The following DCAF6 variants were observed in gnomAD, a reference collection of about 807,000 sequenced individuals.
DCAF6 encodes the protein DDB1- and CUL4-associated factor 6.
A neutral mutation model predicts 125.1 loss-of-function variants in DCAF6; 54 were observed. The observed-to-expected ratio is 0.43, with a 90% CI of 0.35 to 0.54. The LOEUF is 0.54. DCAF6 is among the 20% of genes least tolerant of loss of function. The pLI is 0.01. For missense variants in DCAF6, 934 were observed against 1,161.7 expected (o/e 0.80, Z 2.85); for synonymous variants, 371 against 390.4 (o/e 0.95, Z 0.58).
intron 8 of DCAF6, 139 bp downstream of exon 8, chr1:168,002,714 A>G: frequency 1.7e-6 from 1 of 594,084 alleles, no homozygotes; most frequent in Non-Finnish European, 2.8e-6. Flanking sequence ...AATATATCTT[A>G]GGATAAATTC....
chr1:167,982,872 C>A (rs1042034265), intron 4 of DCAF6, among the ~76,000 whole-genome samples: 8 of 152,154 alleles, frequency 5.3e-5, no homozygotes, highest in African/African-American at 1.9e-4. Context: ...TTTCATTCTT[C>A]TACATATGGT....
In DCAF6 at chr1:168,050,878, G is replaced by A. The variant is rs1253719563; in HGVS notation, c.2259-14G>A. The A allele has an allele frequency of 7.5e-7, 1 of 1,334,984 alleles. No homozygotes were observed. Among genetic ancestry groups the A allele is most frequent in the South Asian group, 2.1e-5 (1 of 48,008 alleles). The allele number at this position is 1,334,984 out of a possible 1,614,324, so 82.7% of individuals were successfully genotyped here. A position where few individuals can be genotyped will look rare whatever the true frequency, so the allele number is the denominator to read the frequency against. On this transcript the variant is annotated splice_polypyrimidine_tract_variant and intron_variant, in intron 16 of 21. Coordinates refer to ENST00000367840, the MANE Select transcript of DCAF6 (RefSeq NM_001198956.2). ...CTTTGTAAGTGATTTCAGTTATTGT[G>A]TTCCCTTCACTAGATTTAATATCAG...
At position 168,068,469 on chromosome 1, in the gene DCAF6, A is replaced by G. The variant is rs770133529; in HGVS notation, c.2791+6A>G. ...ACTTAATCATATCCGAGCTGGTAGG[A>G]ACTTTAAGTATACTACTAAAACCAT... On this transcript the variant is annotated splice_donor_region_variant and intron_variant, in intron 21 of 21. Coordinates refer to ENST00000367840, the MANE Select transcript of DCAF6 (RefSeq NM_001198956.2). The G allele has an allele frequency of 1.5e-5, 21 of 1,435,274 alleles. No homozygotes were observed. The highest frequency in any genetic ancestry group is 1.9e-5 in the Non-Finnish European group (20 of 1,078,668). The allele number at this position is 1,435,274 out of a possible 1,614,324, so 88.9% of individuals were successfully genotyped here.
chr1:168,047,712 G>A (rs1475403842), intron 16 of DCAF6, among the ~76,000 whole-genome samples: 2 of 151,844 alleles, frequency 1.3e-5, no homozygotes, highest in Admixed American at 1.3e-4. Flanking sequence ...ATGTGTGTGT[G>A]TGTATATATA....
chr1:167,953,867 G>T lies in DCAF6; in HGVS notation c.159+2006G>T, dbSNP rs1439105052. ...GCCCGCCTTGGCCTCCAAAAGTGCT[G>T]GGATTGCAGGTGTAAGCCACTGTTC... On this transcript the variant is annotated intron_variant, in intron 2 of 21. Transcript: ENST00000367840. 2.0e-5 allele frequency among the ~76,000 whole-genome samples: 3 copies of T among 152,122 alleles called. No individual in the cohort carries two copies. The East Asian group carries it at 5.8e-4, about 29-fold the overall frequency.
intron 16 of DCAF6, among the ~76,000 whole-genome samples, chr1:168,050,568 C>T (rs1689785758): frequency 6.6e-6 from 1 of 152,048 alleles, no homozygotes; most frequent in Admixed American, 6.6e-5. Context: ...GTACGTGTTC[C>T]AGAGGATGGT....
chr1:167,954,669 G>GT, intron 2 of DCAF6, among the ~76,000 whole-genome samples: 1 of 151,214 alleles, frequency 6.6e-6, no homozygotes, highest in Non-Finnish European at 1.5e-5. Context: ...AGCCAGGATG[G>GT]TCTCGATCTC....
At chr1:167,882,675 T>C in the DCAF6 span, among the ~76,000 whole-genome samples, 27 of 151,886 alleles carry the variant, frequency 1.8e-4, no homozygotes, top group African/African-American at 6.5e-4. Flanking sequence ...TAATACATCA[T>C]GCACTGAGCT....
At chr1:167,960,355 A>G (rs1413410741) in intron 2 of DCAF6, among the ~76,000 whole-genome samples, 1 of 151,888 alleles carries the variant, frequency 6.6e-6, no homozygotes, top group Non-Finnish European at 1.5e-5. Context: ...CTGGAGTGCA[A>G]TGGCGCGATC....
chr1:167,918,419 G>A, the DCAF6 span: 4 of 1,091,270 alleles, frequency 3.7e-6, no homozygotes, highest in South Asian at 1.4e-5. Context: ...TTATGGTAAG[G>A]AGAGAATGGG....
At chr1:167,942,205 T>C (rs1290374870) in intron 1 of DCAF6, among the ~76,000 whole-genome samples, 1 of 152,004 alleles carries the variant, frequency 6.6e-6, no homozygotes, top group Non-Finnish European at 1.5e-5. Flanking sequence ...AGCTGGGATA[T>C]GGGCATGCGC....
At chr1:167,989,810 G>T (rs918405032) in intron 5 of DCAF6, among the ~76,000 whole-genome samples, 7 of 152,034 alleles carry the variant, frequency 4.6e-5, no homozygotes, top group African/African-American at 1.7e-4. Flanking sequence ...GAACCCAGGA[G>T]GTGGAGGTTG....
At chr1:167,934,647 G>A (rs1157452437), upstream of DCAF6, among the ~76,000 whole-genome samples, 7 of 152,156 alleles carry the variant, frequency 4.6e-5, no homozygotes, top group Non-Finnish European at 1.0e-4. Context: ...CAGAGAGCTG[G>A]TTCATAATCA....
At chr1:167,881,136 C>T in the DCAF6 span, among the ~76,000 whole-genome samples, 5 of 152,258 alleles carry the variant, frequency 3.3e-5, no homozygotes, top group Admixed American at 3.3e-4. Context: ...AAAAGTCATC[C>T]TAAACTATAA....
rs946095849 is a variant in DCAF6, at chr1:168,058,407, T to A, written c.2301-5214T>A. 1.3e-4 allele frequency among the ~76,000 whole-genome samples: 20 copies of A among 152,380 alleles called. No individual in the cohort carries two copies. The Middle Eastern group carries it at 0.01, about 78-fold the overall frequency. ...AAATATAATATCTAACAATATTTTT[T>A]AAAAATCGTGTTTATTCACATCACT... is the stretch of plus-strand genomic sequence containing the variant. On this transcript the variant is annotated intron_variant, in intron 17 of 21. Coordinates refer to ENST00000367840, the MANE Select transcript of DCAF6 (RefSeq NM_001198956.2).
chr1:167,922,638 T>C, the DCAF6 span, among the ~76,000 whole-genome samples: 1 of 151,928 alleles, frequency 6.6e-6, no homozygotes, highest in Non-Finnish European at 1.5e-5. Context: ...AAAATACAGC[T>C]CCCGAATGAC....
chr1:168,020,962 T>C (rs1685596848), intron 11 of DCAF6, among the ~76,000 whole-genome samples: 1 of 152,140 alleles, frequency 6.6e-6, no homozygotes, highest in African/African-American at 2.4e-5. Flanking sequence ...GAACAGCAAA[T>C]GCCTCAGAAA....
At chr1:167,937,349 T>G (rs530750120) in intron 1 of DCAF6, 42 of 272,212 alleles carry the variant, frequency 1.5e-4, no homozygotes, top group African/African-American at 9.4e-4. Context: ...AAAAGTTAGC[T>G]CTTTTGCTCT....
upstream of DCAF6, chr1:167,936,595 G>A (rs913772082): frequency 1.2e-5 from 4 of 333,778 alleles, no homozygotes; most frequent in Non-Finnish European, 1.7e-5. Flanking sequence ...GGGTATCCAG[G>A]ACGAGGAGAG....
Sources: allele counts gnomAD v4.1 joint callset (sites outside exome capture counted in the v4.1 genomes callset), GRCh38; gene constraint gnomAD v4.1.1; transcripts MANE v1.5; gene names NCBI Gene and HGNC (gene_info 2026-07-23, HGNC 2026-07-21).